The following SAMD12 variants were observed in gnomAD, a reference collection of about 807,000 sequenced individuals.
The protein encoded by SAMD12 is sterile alpha motif domain containing 12.
A neutral mutation model predicts 15.0 loss-of-function variants in SAMD12; 9 were observed. The ratio of observed to expected loss-of-function variants is 0.60; its 90% CI spans 0.36 to 1.05. The LOEUF (loss-of-function observed/expected upper bound fraction) is 1.05. SAMD12 is among the 50% of genes least tolerant of loss of function. The probability of loss-of-function intolerance (pLI) is 0.01; values close to 1 mark genes in which losing one functional copy is unlikely to be tolerated. For missense variants in SAMD12, 230 were observed against 234.2 expected, an observed-to-expected ratio of 0.98 and a Z score of 0.12; for synonymous variants, 86 against 90.1, an observed-to-expected ratio of 0.96 and a Z score of 0.25.
At chr8:118,352,011 G>A (rs914904932) in intron 4 of SAMD12, among the ~76,000 whole-genome samples, 4 of 152,200 alleles carry the variant, frequency 2.6e-5, no homozygotes, top group African/African-American at 9.7e-5. Flanking sequence ...GCCACCTTGA[G>A]TTGATTTCTG....
At chr8:118,563,932 G>T (rs1189754662) in intron 2 of SAMD12, among the ~76,000 whole-genome samples, 1 of 152,204 alleles carries the variant, frequency 6.6e-6, no homozygotes, top group Non-Finnish European at 1.5e-5. Flanking sequence ...GAGTTGGCTA[G>T]AAACACCTGT....
intron 4 of SAMD12, among the ~76,000 whole-genome samples, chr8:118,338,756 C>T (rs1347428135): frequency 6.6e-6 from 1 of 152,184 alleles, no homozygotes; most frequent in Non-Finnish European, 1.5e-5. Context: ...GGCTAGAACA[C>T]AGCCCTGTTG....
intron 2 of SAMD12, among the ~76,000 whole-genome samples, chr8:118,441,949 T>C (rs957421526): frequency 6.6e-6 from 1 of 152,156 alleles, no homozygotes; most frequent in Admixed American, 6.5e-5. Flanking sequence ...AAGGTCTCAG[T>C]TGACAGTCAT....
At position 118,368,237 on chromosome 8, in the gene SAMD12, G is replaced by T. The variant is rs570102277; in HGVS notation, c.433+11323C>A. ...AGTTCGAGAAAATGTGGACTTGGAG[G>T]AAATTGAGAAGGGACACGTGATTCG... On this transcript the variant is annotated intron_variant, in intron 4 of 4. Coordinates refer to the SAMD12 transcript ENST00000409003. Among the ~76,000 whole-genome samples, 57 of 152,278 alleles carry T rather than the reference G, an allele frequency of 3.7e-4. No homozygotes were observed. The South Asian group carries it at 5.8e-3, about 16-fold the overall frequency.
At chr8:118,225,458 G>C (rs1812168651) in intron 4 of SAMD12, among the ~76,000 whole-genome samples, 1 of 152,158 alleles carries the variant, frequency 6.6e-6, no homozygotes, top group Non-Finnish European at 1.5e-5. Context: ...GTTTTTGGAG[G>C]CTGGCTCCTA....
exon 5 of SAMD12, chr8:118,191,332 C>T (rs1456774408): frequency 6.6e-6 from 1 of 152,086 alleles, no homozygotes; most frequent in Non-Finnish European, 1.5e-5. Context: ...TTCAGAGCCC[C>T]AGAGAGCCCT....
At chr8:118,563,219 A>G (rs1826757837) in intron 2 of SAMD12, among the ~76,000 whole-genome samples, 1 of 152,254 alleles carries the variant, frequency 6.6e-6, no homozygotes, top group Non-Finnish European at 1.5e-5. Flanking sequence ...TGGGTTCACC[A>G]GTGTTAATTT....
chr8:118,137,671 C>G, the SAMD12 span, among the ~76,000 whole-genome samples: 3 of 152,258 alleles, frequency 2.0e-5, no homozygotes, highest in East Asian at 5.8e-4. Context: ...TGTCTTTATG[C>G]TCTTTTGGCA....
At chr8:118,313,466 T>C (rs1358778525) in intron 4 of SAMD12, among the ~76,000 whole-genome samples, 3 of 152,144 alleles carry the variant, frequency 2.0e-5, no homozygotes, top group African/African-American at 7.2e-5. Context: ...TCCCTCCTCC[T>C]TTCCTGCAGG....
intron 2 of SAMD12, among the ~76,000 whole-genome samples, chr8:118,526,348 A>G (rs369240519): frequency 1.3e-5 from 2 of 152,134 alleles, no homozygotes; most frequent in African/African-American, 4.8e-5. Flanking sequence ...AGAGTCACCA[A>G]GAAAACCAGG....
At chr8:118,393,369 T>C (rs990594407) in intron 3 of SAMD12, among the ~76,000 whole-genome samples, 1 of 134,596 alleles carries the variant, frequency 7.4e-6, no homozygotes. Flanking sequence ...GTGTTTGTTT[T>C]ATATGTATGT....
chr8:118,409,526 A>T (rs967555772), intron 3 of SAMD12, among the ~76,000 whole-genome samples: 17 of 151,838 alleles, frequency 1.1e-4, no homozygotes, highest in Non-Finnish European at 4.4e-5. Context: ...TTAGGATATG[A>T]CAAGGAAATA....
At chr8:118,493,115 A>C (rs1390094136) in intron 2 of SAMD12, among the ~76,000 whole-genome samples, 1 of 152,224 alleles carries the variant, frequency 6.6e-6, no homozygotes. Context: ...ACTTGCATGA[A>C]TATTTATGCT....
At chr8:118,252,878 C>A (rs1586387935) in intron 4 of SAMD12, among the ~76,000 whole-genome samples, 1 of 152,166 alleles carries the variant, frequency 6.6e-6, no homozygotes, top group East Asian at 1.9e-4. Context: ...TTGTAAGAAC[C>A]TGGCTTCTCT....
At chr8:118,252,242 T>C (rs1436562623) in intron 4 of SAMD12, among the ~76,000 whole-genome samples, 2 of 152,174 alleles carry the variant, frequency 1.3e-5, no homozygotes, top group Non-Finnish European at 2.9e-5. Flanking sequence ...CTGGGGAAAA[T>C]GCAGAGGGTC....
chr8:118,208,597 G>A (rs1056051754), intron 4 of SAMD12, among the ~76,000 whole-genome samples: 1 of 152,194 alleles, frequency 6.6e-6, no homozygotes. Context: ...TGATGGAAAT[G>A]TTCTAGATCT....
At chr8:118,540,780 G>C (rs977594386) in intron 2 of SAMD12, among the ~76,000 whole-genome samples, 6 of 152,112 alleles carry the variant, frequency 3.9e-5, no homozygotes, top group African/African-American at 1.4e-4. Flanking sequence ...CAAAGATTGG[G>C]TAGGAGCCAA....
chr8:118,193,922 T>C (rs1377620688), exon 5 of SAMD12: 1 of 152,138 alleles, frequency 6.6e-6, no homozygotes, highest in African/African-American at 2.4e-5. Context: ...AGTTGTCAAG[T>C]AACAAAATTA....
chr8:118,175,936 A>AT, the SAMD12 span, among the ~76,000 whole-genome samples: 333 of 152,272 alleles, frequency 2.2e-3, 1 homozygote, highest in African/African-American at 7.7e-3. Flanking sequence ...CAGTTCAGAG[A>AT]TTTTTTCAAA....
Sources: gnomAD v4.1 joint callset for allele counts (sites outside exome capture counted in the v4.1 genomes callset) on GRCh38, gnomAD v4.1.1 for gene constraint, MANE v1.5 for transcripts, NCBI Gene and HGNC (gene_info 2026-07-23, HGNC 2026-07-21) for gene names.